Variants in SMURF1 observed in about 807,000 individuals in gnomAD.
SMURF1 encodes the protein SMAD specific E3 ubiquitin protein ligase 1, also known as E3 ubiquitin-protein ligase SMURF1.
SMURF1 carries 44 observed loss-of-function variants against 98.0 expected under a neutral mutation model. That is an observed-to-expected ratio of 0.45 (90% CI 0.35 to 0.58). The LOEUF is 0.58. SMURF1 is among the 20% of genes least tolerant of loss of function. The pLI, the probability that SMURF1 is intolerant of heterozygous loss-of-function variation, is 0.00. For missense variants in SMURF1, 687 were observed against 938.4 expected (o/e 0.73, Z 3.50); for synonymous variants, 396 against 374.9 (o/e 1.06, Z -0.65).
chr7:99,104,229 G>A (rs905247018), intron 1 of SMURF1, among the ~76,000 whole-genome samples: 1 of 152,102 alleles, frequency 6.6e-6, no homozygotes, highest in Non-Finnish European at 1.5e-5. Context: ...ATTCTAAAAC[G>A]TTATATTTTT....
intron 1 of SMURF1, among the ~76,000 whole-genome samples, chr7:99,095,448 T>C (rs1366752652): frequency 6.6e-6 from 1 of 152,178 alleles, no homozygotes; most frequent in East Asian, 1.9e-4. Context: ...GCTTGGGTGG[T>C]CCAGATAATC....
At position 99,040,520 on chromosome 7, in the gene SMURF1, T is replaced by A. The variant is rs1332899963; in HGVS notation, c.1408A>T (p.Met470Leu). 2.6e-6 allele frequency: 4 copies of A among 1,525,676 alleles called. No homozygotes were observed. The highest frequency in any genetic ancestry group is 5.1e-5 in the East Asian group (2 of 39,374). The allele number at this position is 1,525,676 out of a possible 1,614,324, so 94.5% of individuals were successfully genotyped here. ...TGTCCATGGAACACAGCCAGCCCCA[T>A]GATCCGCCCCACAAAGTGGAAATAA... is the stretch of plus-strand genomic sequence containing the variant. Reference protein sequence around the residue: ...LSYFHFVGRIMGLAVFHGHYI... With the variant: ...LSYFHFVGRILGLAVFHGHYI... Residue 470 changes from methionine to leucine, a missense_variant, in exon 13 of 18, where the codon ATG becomes TTG. Physicochemically the swap from Met to Leu is conservative, Grantham distance 15 (BLOSUM62 2). Around this residue, in one of 2 missense-constraint regions of SMURF1, gnomAD observed 272 missense variants for 430.0 expected, o/e 0.63. Transcript: ENST00000361368.
At chr7:99,053,733 T>G (rs1271397279) in intron 6 of SMURF1, among the ~76,000 whole-genome samples, 1 of 152,156 alleles carries the variant, frequency 6.6e-6, no homozygotes, top group Non-Finnish European at 1.5e-5. Context: ...TTGGATCATC[T>G]CTCTTTTGTG....
chr7:99,102,308 G>T (rs983484292), intron 1 of SMURF1, among the ~76,000 whole-genome samples: 13 of 152,102 alleles, frequency 8.5e-5, no homozygotes, highest in African/African-American at 2.7e-4. Flanking sequence ...TTTTGAAAGA[G>T]AATTTATCCA....
At chr7:99,092,696 A>G (rs950912149) in intron 1 of SMURF1, among the ~76,000 whole-genome samples, 1 of 152,314 alleles carries the variant, frequency 6.6e-6, no homozygotes, top group Non-Finnish European at 1.5e-5. Context: ...AAGAAAATGC[A>G]TGGATTAGGG....
intron 5 of SMURF1, among the ~76,000 whole-genome samples, chr7:99,055,800 A>T (rs1795862163): frequency 6.6e-6 from 1 of 152,134 alleles, no homozygotes; most frequent in African/African-American, 2.4e-5. Flanking sequence ...CCCCGTCTCC[A>T]CTACAAATAC....
At chr7:99,030,888 CAG>C (rs1794852287) in intron 17 of SMURF1, 13 of 473,318 alleles carry the variant, frequency 2.7e-5, no homozygotes, top group South Asian at 2.5e-4. Context: ...TTGGTAGAGA[CAG>C]GGTCTCGCTA....
Position 99,045,695 on chromosome 7 carries a change from C to T in SMURF1, c.1256+3G>A, listed in dbSNP as rs769343612. 2 of 1,612,172 alleles carry T rather than the reference C, an allele frequency of 1.2e-6. No homozygotes were observed. The highest frequency in any genetic ancestry group is 1.7e-6 in the Non-Finnish European group (2 of 1,178,288). On this transcript the variant is annotated splice_donor_region_variant and intron_variant, in intron 11 of 17. Transcript: ENST00000361368. ...AGAGAAGGTGAATGAACAAGCAGCT[C>T]ACCTGGCCACACCACCGTAATCCAA...
At chr7:99,108,868 G>A (rs563970114) in intron 1 of SMURF1, among the ~76,000 whole-genome samples, 20 of 152,156 alleles carry the variant, frequency 1.3e-4, no homozygotes, top group African/African-American at 3.9e-4. Context: ...TGGCGTGACC[G>A]GAAATTTGGA....
chr7:99,038,582 T>C (rs1350329080), intron 13 of SMURF1, 57 bp from the exon 14 acceptor site: 2 of 1,578,676 alleles, frequency 1.3e-6, no homozygotes, highest in Admixed American at 1.8e-5. Context: ...GCGGGGCCAT[T>C]GGGTAGACAG....
At chr7:99,096,977 T>C (rs1234353427) in intron 1 of SMURF1, among the ~76,000 whole-genome samples, 2 of 151,356 alleles carry the variant, frequency 1.3e-5, no homozygotes, top group Non-Finnish European at 2.9e-5. Context: ...TGTGAAAAAA[T>C]AACAGGAAAA....
intron 1 of SMURF1, among the ~76,000 whole-genome samples, chr7:99,130,325 T>C (rs1037190640): frequency 6.6e-6 from 1 of 152,098 alleles, no homozygotes; most frequent in African/African-American, 2.4e-5. Flanking sequence ...CAGTGGCACA[T>C]GCCTGTAGTT....
At chr7:99,135,177 CT>C (rs1490617919) in intron 1 of SMURF1, among the ~76,000 whole-genome samples, 1 of 152,162 alleles carries the variant, frequency 6.6e-6, no homozygotes, top group African/African-American at 2.4e-5. Flanking sequence ...AGTTAGTGTA[CT>C]TACTAGTTGC....
At position 99,132,223 on chromosome 7, in the gene SMURF1, C is replaced by T. The variant is rs559946567; in HGVS notation, c.55+11503G>A. Among the ~76,000 whole-genome samples, 6 of 152,322 alleles carry T rather than the reference C, an allele frequency of 3.9e-5. No homozygotes were observed. The South Asian group carries it at 1.2e-3, about 32-fold the overall frequency. ...GATCTCTAATCCCTGCTCATATCAA[C>T]AAGAAGTGGCTATGAACGCAATGCT... On this transcript the variant is annotated intron_variant, in intron 1 of 17. Transcript: ENST00000361368.
At chr7:99,054,700 G>T in intron 6 of SMURF1, 90 bp downstream of exon 6, 2 of 1,042,662 alleles carry the variant, frequency 1.9e-6, no homozygotes, top group Non-Finnish European at 3.0e-6. Context: ...ATTCTGCAGA[G>T]TGACTTAAGG....
At chr7:99,055,888 C>T (rs1397814449) in intron 5 of SMURF1, among the ~76,000 whole-genome samples, 1 of 152,110 alleles carries the variant, frequency 6.6e-6, no homozygotes, top group Non-Finnish European at 1.5e-5. Flanking sequence ...ATCGCTTAAA[C>T]GCGGGAGGCG....
chr7:99,059,417 TAAAATAAAATAAAATAAAATAAAATA>T (rs1795974991), intron 3 of SMURF1, among the ~76,000 whole-genome samples: 1 of 36,666 alleles, frequency 2.7e-5, no homozygotes, highest in Admixed American at 2.5e-4. Flanking sequence ...TAAAATAAAA[TAAAATAAAATAAAATAAAATAAAATA>T]AAATAAAATA....
At chr7:99,050,188 C>G (rs1168618299) in intron 8 of SMURF1, 4 of 152,366 alleles carry the variant, frequency 2.6e-5, no homozygotes, top group Non-Finnish European at 4.4e-5. Flanking sequence ...GCCTGGGCAA[C>G]AAGAGTGAAA....
chr7:99,104,956 C>G (rs563880560), intron 1 of SMURF1, among the ~76,000 whole-genome samples: 1 of 152,182 alleles, frequency 6.6e-6, no homozygotes, highest in East Asian at 1.9e-4. Context: ...TCTAGGCGCT[C>G]CTAGCAGCCT....
Sources: allele counts gnomAD v4.1 joint callset (sites outside exome capture counted in the v4.1 genomes callset), GRCh38; gene constraint gnomAD v4.1.1; regional missense constraint gnomAD v4.1.1; transcripts MANE v1.5; gene names NCBI Gene and HGNC (gene_info 2026-07-23, HGNC 2026-07-21).